NEIL3: variants seen among roughly 807,000 people sequenced by gnomAD.
NEIL3 encodes the protein endonuclease 8-like 3.
NEIL3 carries 48 observed loss-of-function variants against 57.5 expected under a neutral mutation model. The observed-to-expected ratio is 0.83, with a 90% CI of 0.66 to 1.06. The LOEUF (loss-of-function observed/expected upper bound fraction) is 1.06, where lower values mean the gene tolerates loss of function less well. Ranked by LOEUF, NEIL3 falls within the 50% of genes least tolerant of loss-of-function variation. The probability of loss-of-function intolerance (pLI) is 0.00; values close to 1 mark genes in which losing one functional copy is unlikely to be tolerated. For missense variants in NEIL3, 717 were observed against 739.1 expected, an observed-to-expected ratio of 0.97 and a Z score of 0.35; for synonymous variants, 261 against 253.2, an observed-to-expected ratio of 1.03 and a Z score of -0.29.
At position 177,339,776 on chromosome 4, in the gene NEIL3, C is replaced by G. The variant is rs1479006881; in HGVS notation, c.628-7C>G. ...AAACTAGGCTCTGCTGTTTTTTCCA[C>G]TTCAAGGTTTGTCAATTAACAGATG... is the stretch of plus-strand genomic sequence containing the variant. On this transcript the variant is annotated splice_polypyrimidine_tract_variant and splice_region_variant and intron_variant, in intron 4 of 9. Transcript: ENST00000264596. 1 of 1,604,650 alleles carries G rather than the reference C, an allele frequency of 6.2e-7. No individual in the cohort carries two copies. The highest frequency in any genetic ancestry group is 8.5e-7 in the Non-Finnish European group (1 of 1,172,002).
intron 1 of NEIL3, among the ~76,000 whole-genome samples, chr4:177,318,162 TG>T (rs928103332): frequency 1.3e-5 from 2 of 152,086 alleles, no homozygotes; most frequent in African/African-American, 4.8e-5. Flanking sequence ...AGGAATTCCC[TG>T]GGGGAAAATC....
intron 9 of NEIL3, 64 bp from the exon 10 acceptor site, chr4:177,362,225 G>C: frequency 7.6e-7 from 1 of 1,313,284 alleles, no homozygotes; most frequent in Non-Finnish European, 1.1e-6. Context: ...CATGTGCCTA[G>C]GGTTAGCCTG....
chr4:177,332,972 C>G (rs1277176548), intron 2 of NEIL3, among the ~76,000 whole-genome samples: 1 of 151,936 alleles, frequency 6.6e-6, no homozygotes, highest in African/African-American at 2.4e-5. Flanking sequence ...CTTGTTGGAG[C>G]GGTAGCTATG....
chr4:177,345,679 C>CTTTTTT (rs55741585), intron 6 of NEIL3, among the ~76,000 whole-genome samples: 16 of 78,070 alleles, frequency 2.0e-4, no homozygotes, highest in African/African-American at 5.3e-4. Flanking sequence ...CCACGCCTGG[C>CTTTTTT]TTTTTTTTTT....
intron 6 of NEIL3, among the ~76,000 whole-genome samples, chr4:177,347,219 T>G (rs1310123120): frequency 6.6e-6 from 1 of 151,950 alleles, no homozygotes; most frequent in Non-Finnish European, 1.5e-5. Context: ...GGGGGAAATA[T>G]TTCAAAGAAG....
intron 1 of NEIL3, among the ~76,000 whole-genome samples, chr4:177,315,626 AAT>A (rs1311663640): frequency 6.6e-6 from 1 of 152,182 alleles, no homozygotes; most frequent in Non-Finnish European, 1.5e-5. Context: ...AGGACAAGTG[AAT>A]ATCTTATAAA....
intron 5 of NEIL3, 149 bp downstream of exon 5, chr4:177,340,006 T>A: frequency 1.6e-6 from 1 of 614,586 alleles, no homozygotes; most frequent in South Asian, 2.0e-5. Flanking sequence ...GTGGGTGTAA[T>A]TAACATCTTG....
intron 2 of NEIL3, among the ~76,000 whole-genome samples, chr4:177,334,829 A>G (rs1199967610): frequency 6.6e-6 from 1 of 152,250 alleles, no homozygotes; most frequent in Non-Finnish European, 1.5e-5. Flanking sequence ...AGCTATGAGG[A>G]GAAGGATTTG....
At chr4:177,331,800 T>C (rs370512440) in intron 2 of NEIL3, among the ~76,000 whole-genome samples, 3 of 152,198 alleles carry the variant, frequency 2.0e-5, no homozygotes, top group East Asian at 3.8e-4. Context: ...GTGAGTCTAG[T>C]AAAGTAGTTG....
intron 2 of NEIL3, among the ~76,000 whole-genome samples, chr4:177,329,068 T>G (rs1251710498): frequency 6.6e-6 from 1 of 152,082 alleles, no homozygotes. Context: ...CAGTGTAAGA[T>G]GTGTATTATA....
intron 2 of NEIL3, 61 bp from the exon 3 acceptor site, chr4:177,335,627 G>A: frequency 6.5e-7 from 1 of 1,530,906 alleles, no homozygotes; most frequent in South Asian, 1.2e-5. Flanking sequence ...GATAGTACAG[G>A]AAAAAAGCTT....
chr4:177,336,470 GT>G, intron 4 of NEIL3, 149 bp downstream of exon 4: 5 of 652,914 alleles, frequency 7.7e-6, no homozygotes, highest in Non-Finnish European at 1.3e-5. Context: ...CAATTTCTCA[GT>G]GCAGCCGGCT....
rs1262086590 is a variant in NEIL3, at chr4:177,360,693, A to T, written c.1635+16A>T. On this transcript the variant is annotated intron_variant, in intron 9 of 9. Transcript: ENST00000264596. Reference sequence around the variant, plus strand: ...ATTTTTTGAAGTATGTGTAAGATTTATCTAGCTTACTAAAATGTAATTAAA... The same window carrying T: ...ATTTTTTGAAGTATGTGTAAGATTTTTCTAGCTTACTAAAATGTAATTAAA... 1 of 1,568,990 alleles carries T rather than the reference A, an allele frequency of 6.4e-7. No individual in the cohort carries two copies. Among genetic ancestry groups the T allele is most frequent in the South Asian group, 1.2e-5 (1 of 84,904 alleles).
At position 177,353,575 on chromosome 4, in the gene NEIL3, CA is replaced by C. The variant is rs1735408348; in HGVS notation, c.1309del (p.Thr437GlnfsTer4). The C allele has an allele frequency of 2.5e-6, 4 of 1,613,276 alleles. No individual in the cohort carries two copies. The African/African-American group carries it at 4.0e-5, about 16-fold the overall frequency. ...LNDIQHPSKK[T>X]TNDITQPSSK... ...GATATACAGCACCCCTCCAAGAAGACAACAAACGATATAACTCAACCATCCA... is the reference window on the plus strand; with the variant it reads ...GATATACAGCACCCCTCCAAGAAGACACAAACGATATAACTCAACCATCCA... On this transcript the variant is annotated frameshift_variant, in exon 8 of 10. Transcript: ENST00000264596. LOFTEE classifies it high-confidence loss of function.
chr4:177,362,204 G>T, intron 9 of NEIL3, 85 bp from the exon 10 acceptor site: 1 of 941,528 alleles, frequency 1.1e-6, no homozygotes, highest in Non-Finnish European at 1.6e-6. Context: ...AAGACTATAT[G>T]GCACTAATCA....
chr4:177,317,027 T>C lies in NEIL3; in HGVS notation c.157-5432T>C, dbSNP rs536002616. Among the ~76,000 whole-genome samples the C allele has an allele frequency of 5.9e-5, 9 of 152,312 alleles. No homozygotes were observed. The South Asian group carries it at 1.5e-3, about 25-fold the overall frequency. ...CTTAAACATATTCAAGCCAAGGTCA[T>C]ATAGCATCTGTACCTAGAAGAGTTT... On this transcript the variant is annotated intron_variant, in intron 1 of 9. Coordinates refer to ENST00000264596, the MANE Select transcript of NEIL3 (RefSeq NM_018248.3).
chr4:177,341,270 T>C (rs1735085093), intron 5 of NEIL3, among the ~76,000 whole-genome samples: 1 of 152,220 alleles, frequency 6.6e-6, no homozygotes, highest in Non-Finnish European at 1.5e-5. Flanking sequence ...AATGACTTAT[T>C]TCACACAAAT....
intron 6 of NEIL3, among the ~76,000 whole-genome samples, chr4:177,347,071 G>A (rs1392063477): frequency 2.0e-5 from 3 of 152,036 alleles, no homozygotes; most frequent in Non-Finnish European, 4.4e-5. Flanking sequence ...GCGATGATAA[G>A]TGGTGATTAG....
At chr4:177,361,949 CA>C (rs1735614923) in intron 9 of NEIL3, among the ~76,000 whole-genome samples, 2 of 152,086 alleles carry the variant, frequency 1.3e-5, no homozygotes, top group African/African-American at 4.8e-5. Flanking sequence ...TTAACTGAAA[CA>C]GACCTATAGC....
Sources: allele counts gnomAD v4.1 joint callset (sites outside exome capture counted in the v4.1 genomes callset), GRCh38; gene constraint gnomAD v4.1.1; transcripts MANE v1.5; gene names NCBI Gene and HGNC (gene_info 2026-07-23, HGNC 2026-07-21).